The following GATAD2B variants were observed in gnomAD, a reference collection of about 807,000 sequenced individuals.
GATAD2B encodes GATA zinc finger domain containing 2B, also known as transcriptional repressor p66-beta.
In GATAD2B, 8 loss-of-function variants were observed where a neutral mutation model predicts 64.3. That is an observed-to-expected ratio of 0.12 (90% CI 0.07 to 0.22). The LOEUF (loss-of-function observed/expected upper bound fraction) is 0.22, where lower values mean the gene tolerates loss of function less well. Among genes scored for constraint, GATAD2B ranks in the 10% least tolerant of loss-of-function variants. GATAD2B has a pLI of 1.00. For missense variants in GATAD2B, 453 were observed against 752.0 expected (o/e 0.60, Z 4.65); for synonymous variants, 281 against 271.3 (o/e 1.04, Z -0.35).
rs1674537026 is a variant in GATAD2B, at chr1:153,817,922, A to C, written c.729+118T>G. On this transcript the variant is annotated intron_variant, in intron 5 of 10. Transcript: ENST00000368655. ...GCCATAATGGGCCAACAGAACAATCAGTAGTAATAACACCTCTATCATGGC... is the reference window on the plus strand; with the variant it reads ...GCCATAATGGGCCAACAGAACAATCCGTAGTAATAACACCTCTATCATGGC... 4 of 810,570 alleles carry C rather than the reference A, an allele frequency of 4.9e-6. No individual in the cohort carries two copies. The African/African-American group carries it at 7.0e-5, about 14-fold the overall frequency. 50.2% of individuals were successfully genotyped at this position (810,570 alleles called of 1,614,324 possible).
intron 1 of GATAD2B, among the ~76,000 whole-genome samples, chr1:153,907,703 A>G (rs1264204221): frequency 6.9e-6 from 1 of 145,492 alleles, no homozygotes; most frequent in African/African-American, 2.6e-5. Context: ...CAGTGGCGTG[A>G]GCTCGGCTCA....
At chr1:153,870,920 T>C (rs191705113) in intron 1 of GATAD2B, among the ~76,000 whole-genome samples, 3 of 152,194 alleles carry the variant, frequency 2.0e-5, no homozygotes, top group African/African-American at 7.2e-5. Context: ...AGGTTTTTTT[T>C]GTTTTTCCCC....
intron 2 of GATAD2B, among the ~76,000 whole-genome samples, chr1:153,821,175 G>A (rs1674672548): frequency 6.6e-6 from 1 of 151,568 alleles, no homozygotes; most frequent in South Asian, 2.1e-4. Flanking sequence ...AAGGGGTGGG[G>A]GTCTTGCTAT....
chr1:153,857,400 C>T (rs775283414), intron 1 of GATAD2B, among the ~76,000 whole-genome samples: 9 of 151,954 alleles, frequency 5.9e-5, no homozygotes, highest in Non-Finnish European at 1.3e-4. Context: ...GAGCCAAGAT[C>T]GCGCCACTGC....
intron 1 of GATAD2B, among the ~76,000 whole-genome samples, chr1:153,830,185 T>C (rs1393642414): frequency 6.6e-6 from 1 of 152,182 alleles, no homozygotes; most frequent in Non-Finnish European, 1.5e-5. Context: ...TCTTGTTCTG[T>C]TGCCAGGCTG....
intron 2 of GATAD2B, among the ~76,000 whole-genome samples, chr1:153,824,578 C>T (rs1301003172): frequency 7.0e-6 from 1 of 143,218 alleles, no homozygotes; most frequent in Non-Finnish European, 1.5e-5. Context: ...CGCCACTTTA[C>T]TCCAGCCTGG....
At chr1:153,827,212 C>A (rs1052478900) in intron 2 of GATAD2B, among the ~76,000 whole-genome samples, 1 of 147,026 alleles carries the variant, frequency 6.8e-6, no homozygotes, top group African/African-American at 2.5e-5. Context: ...ACTCACTACA[C>A]GCCAGCCTAG....
At chr1:153,852,100 T>C (rs974536688) in intron 1 of GATAD2B, 2 of 589,198 alleles carry the variant, frequency 3.4e-6, no homozygotes, top group African/African-American at 3.8e-5. Flanking sequence ...GGGGCAAGTT[T>C]AATGAGTTTT....
At chr1:153,890,504 A>C (rs999051927) in intron 1 of GATAD2B, 2 of 151,402 alleles carry the variant, frequency 1.3e-5, no homozygotes. Flanking sequence ...AAAAAAAAAA[A>C]CGACAGAACA....
intron 1 of GATAD2B, among the ~76,000 whole-genome samples, chr1:153,875,613 C>T (rs1473491084): frequency 7.7e-6 from 1 of 129,456 alleles, no homozygotes; most frequent in Non-Finnish European, 1.6e-5. Flanking sequence ...TTTACCAAAA[C>T]AAGCAGCAGC....
chr1:153,811,599 G>A (rs538922159), intron 10 of GATAD2B, 132 bp downstream of exon 10: 4 of 722,442 alleles, frequency 5.5e-6, no homozygotes, highest in Admixed American at 2.4e-5. Context: ...CTGAGTAACA[G>A]AAGAGTGAGA....
At chr1:153,847,760 T>G (rs1002594457) in intron 1 of GATAD2B, among the ~76,000 whole-genome samples, 2 of 152,210 alleles carry the variant, frequency 1.3e-5, no homozygotes, top group Non-Finnish European at 2.9e-5. Flanking sequence ...TCTTGGACCA[T>G]CTCATTCTAC....
intron 2 of GATAD2B, 70 bp from the exon 3 acceptor site, chr1:153,819,805 A>AAATCCAAG: frequency 7.0e-7 from 1 of 1,431,934 alleles, no homozygotes; most frequent in Non-Finnish European, 9.5e-7. Context: ...TGAATTAAAA[A>AAATCCAAG]AATCCAAGGG....
chr1:153,814,790 A>G (rs763972608), intron 7 of GATAD2B, among the ~76,000 whole-genome samples: 1 of 152,038 alleles, frequency 6.6e-6, no homozygotes, highest in Non-Finnish European at 1.5e-5. Flanking sequence ...AGCCTGACCA[A>G]CATTGTGAAA....
intron 1 of GATAD2B, chr1:153,851,980 T>A: frequency 3.1e-6 from 1 of 327,502 alleles, no homozygotes; most frequent in Non-Finnish European, 5.5e-6. Flanking sequence ...TAACTATAAT[T>A]GAGGGCCTTT....
At chr1:153,858,953 T>A (rs1676180123) in intron 1 of GATAD2B, among the ~76,000 whole-genome samples, 2 of 152,040 alleles carry the variant, frequency 1.3e-5, no homozygotes, top group African/African-American at 4.8e-5. Context: ...ACTGTGCAAA[T>A]ATCTGGGAGA....
intron 1 of GATAD2B, among the ~76,000 whole-genome samples, chr1:153,864,404 C>T (rs1482965683): frequency 6.6e-6 from 1 of 152,194 alleles, no homozygotes; most frequent in Admixed American, 6.6e-5. Context: ...AGAGCCTAAG[C>T]TCAGAAATGC....
chr1:153,887,194 T>C (rs1385118812), intron 1 of GATAD2B, among the ~76,000 whole-genome samples: 1 of 152,208 alleles, frequency 6.6e-6, no homozygotes, highest in Non-Finnish European at 1.5e-5. Flanking sequence ...TCTTTGGAGA[T>C]GAGGATTCCT....
At chr1:153,893,637 C>G (rs1459303952) in intron 1 of GATAD2B, among the ~76,000 whole-genome samples, 1 of 151,406 alleles carries the variant, frequency 6.6e-6, no homozygotes, top group Non-Finnish European at 1.5e-5. Flanking sequence ...AAGTTTACCC[C>G]TTCCCCTAAG....
Sources: allele counts gnomAD v4.1 joint callset (sites outside exome capture counted in the v4.1 genomes callset), GRCh38; gene constraint gnomAD v4.1.1; transcripts MANE v1.5; gene names NCBI Gene and HGNC (gene_info 2026-07-23, HGNC 2026-07-21).